The following UNC79 variants were observed in gnomAD, a reference collection of about 807,000 sequenced individuals.
UNC79 encodes unc-79 subunit of NALCN channel complex, also known as protein unc-79 homolog.
Under a neutral mutation model 283.1 loss-of-function variants are expected in UNC79, and 37 were observed. The observed-to-expected ratio is 0.13, with a 90% confidence interval of 0.10 to 0.17. UNC79 has a LOEUF of 0.17. UNC79 is among the 10% of genes least tolerant of loss of function. UNC79 has a pLI of 1.00. For missense variants in UNC79, 2,272 were observed against 3,211.1 expected (o/e 0.71, Z 7.07); for synonymous variants, 1,107 against 1,200.2 (o/e 0.92, Z 1.61).
intron 38 of UNC79, among the ~76,000 whole-genome samples, chr14:93,657,646 C>A (rs557188624): frequency 1.3e-5 from 2 of 152,062 alleles, no homozygotes; most frequent in East Asian, 3.9e-4. Context: ...CCAAAGCGCC[C>A]GGCTGAGGTA....
chr14:93,519,227 A>G (rs1205462266), intron 7 of UNC79, among the ~76,000 whole-genome samples: 1 of 151,822 alleles, frequency 6.6e-6, no homozygotes, highest in African/African-American at 2.4e-5. Flanking sequence ...CCCTTTCATC[A>G]TTGTAAAATT....
chr14:93,474,315 T>C lies in UNC79; in HGVS notation c.370T>C (p.Ser124Pro). ...TGATGCTCAGTTGTCAGACTACCCT[T>C]CTTTGGACTACCAAGGCCTCTACGT... is the stretch of plus-strand genomic sequence containing the variant. The change falls in exon 3 of 49, where the codon TCT becomes CCT. Residue 124 changes from serine (S) to proline (P), a missense_variant. Physicochemically the swap from Ser to Pro is moderately conservative, Grantham distance 74. This residue lies in a region of UNC79 where 194 missense variants were observed against 268.9 expected (regional missense o/e 0.72). Transcript: ENST00000555664. The surrounding 1 kb of genome is among the most constrained non-coding windows in gnomAD (Gnocchi z 4.1). The C allele has an allele frequency of 1.3e-6, 2 of 1,536,074 alleles. No homozygotes were observed. The highest frequency in any genetic ancestry group is 1.7e-6 in the Non-Finnish European group (2 of 1,146,878).
intron 46 of UNC79, among the ~76,000 whole-genome samples, chr14:93,692,170 G>A (rs149678464): frequency 0.011 from 1,709 of 152,234 alleles, 25 homozygotes; most frequent in Middle Eastern, 0.061. Context: ...TCTATTGTAC[G>A]CCGTGGTGAC....
chr14:93,452,638 T>C (rs2056680776), intron 1 of UNC79, among the ~76,000 whole-genome samples: 1 of 152,082 alleles, frequency 6.6e-6, no homozygotes, highest in East Asian at 1.9e-4. Context: ...CCCACCCGCC[T>C]CGGCTTCCCA....
intron 29 of UNC79, among the ~76,000 whole-genome samples, chr14:93,619,278 T>C (rs2066955045): frequency 6.6e-6 from 1 of 152,230 alleles, no homozygotes; most frequent in Admixed American, 6.5e-5. Flanking sequence ...GGGTTTAGTC[T>C]CTGGCAAATT....
At chr14:93,706,832 G>A (rs2075913233) in exon 49 of UNC79, 1 of 1,614,132 alleles carries the variant, frequency 6.2e-7, no homozygotes, top group African/African-American at 1.3e-5. Context: ...AGTGGTTGCA[G>A]TGCACTCAGT....
At chr14:93,692,302 C>T (rs2074756580) in intron 46 of UNC79, among the ~76,000 whole-genome samples, 1 of 152,014 alleles carries the variant, frequency 6.6e-6, no homozygotes, top group South Asian at 2.1e-4. Flanking sequence ...TTAGCCATTC[C>T]ACAATGTATA....
At chr14:93,442,302 C>G (rs2056328727) in intron 1 of UNC79, among the ~76,000 whole-genome samples, 1 of 152,038 alleles carries the variant, frequency 6.6e-6, no homozygotes, top group Non-Finnish European at 1.5e-5. Context: ...GGCATTTTCT[C>G]TTGAGATCCC....
intron 18 of UNC79, among the ~76,000 whole-genome samples, chr14:93,578,646 T>C (rs1347307218): frequency 1.3e-5 from 2 of 152,192 alleles, no homozygotes; most frequent in East Asian, 3.9e-4. Flanking sequence ...GAGACTAAAT[T>C]GCAGACATGA....
intron 1 of UNC79, among the ~76,000 whole-genome samples, chr14:93,353,121 C>T (rs1159298071): frequency 6.6e-6 from 1 of 152,192 alleles, no homozygotes; most frequent in East Asian, 1.9e-4. Flanking sequence ...GAGATTTCTA[C>T]TTCTTTCTTC....
At chr14:93,425,456 G>A (rs374136282), upstream of UNC79, among the ~76,000 whole-genome samples, 254 of 152,302 alleles carry the variant, frequency 1.7e-3, 1 homozygote, top group Middle Eastern at 3.4e-3. Context: ...ACAAGCACTG[G>A]TGGGAGGACT....
chr14:93,540,517 C>G (rs867568318), intron 12 of UNC79, 143 bp from the exon 13 acceptor site: 1 of 823,718 alleles, frequency 1.2e-6, no homozygotes, highest in Non-Finnish European at 1.8e-6. Context: ...GCACAGTACT[C>G]AGTAACTCAG....
chr14:93,550,532 A>AAGAAAAG (rs2061833584), intron 14 of UNC79, among the ~76,000 whole-genome samples: 1 of 136,016 alleles, frequency 7.4e-6, no homozygotes, highest in Non-Finnish European at 1.5e-5. Context: ...AAAAAAAAAA[A>AAGAAAAG]AAAAAAAAAG....
At chr14:93,372,741 TAAAATG>T (rs1253046655) in intron 1 of UNC79, among the ~76,000 whole-genome samples, 2 of 152,140 alleles carry the variant, frequency 1.3e-5, no homozygotes, top group African/African-American at 4.8e-5. Context: ...ATACCCTTCT[TAAAATG>T]GACAGATCCA....
intron 35 of UNC79, among the ~76,000 whole-genome samples, chr14:93,652,300 T>C (rs1342474719): frequency 6.6e-6 from 1 of 152,148 alleles, no homozygotes; most frequent in African/African-American, 2.4e-5. Flanking sequence ...TCTTGCTCTA[T>C]CACCCAGGCT....
intron 40 of UNC79, among the ~76,000 whole-genome samples, chr14:93,667,715 A>G (rs1193890665): frequency 1.3e-5 from 2 of 152,204 alleles, no homozygotes; most frequent in South Asian, 2.1e-4. Context: ...TATCAACCAG[A>G]GAAGGACAAT....
intron 2 of UNC79, 110 bp downstream of exon 2, chr14:93,467,901 T>C (rs1008472544): frequency 7.6e-5 from 96 of 1,265,652 alleles, no homozygotes; most frequent in Non-Finnish European, 9.7e-5. Flanking sequence ...CTATGTTTTC[T>C]AGTGCTCTGT....
chr14:93,417,973 T>C (rs1395060892), intron 1 of UNC79, among the ~76,000 whole-genome samples: 2 of 151,864 alleles, frequency 1.3e-5, no homozygotes, highest in Non-Finnish European at 2.9e-5. Context: ...TTGAATTTCC[T>C]CCTGTAGCTT....
At chr14:93,643,783 A>ACC in intron 34 of UNC79, 86 bp downstream of exon 37, 1 of 1,543,028 alleles carries the variant, frequency 6.5e-7, no homozygotes, top group Non-Finnish European at 8.7e-7. Context: ...TCAAAAGTGA[A>ACC]ACATTCAGCC....
Sources: allele counts gnomAD v4.1 joint callset (sites outside exome capture counted in the v4.1 genomes callset), GRCh38; gene constraint gnomAD v4.1.1; regional missense constraint gnomAD v4.1.1; non-coding constraint Gnocchi (gnomAD v3.1); transcripts MANE v1.5; gene names NCBI Gene and HGNC (gene_info 2026-07-23, HGNC 2026-07-21).